Variants in FAM216A observed in about 807,000 individuals in gnomAD.
The protein encoded by FAM216A is family with sequence similarity 216 member A.
FAM216A carries 26 observed loss-of-function variants against 37.6 expected under a neutral mutation model. The observed-to-expected ratio is 0.69, with a 90% confidence interval of 0.51 to 0.96. The LOEUF (loss-of-function observed/expected upper bound fraction) is 0.96. Ranked by LOEUF, FAM216A falls within the 40% of genes least tolerant of loss-of-function variation. FAM216A has a pLI of 0.00. For synonymous variants in FAM216A, 110 were observed against 121.7 expected, an observed-to-expected ratio of 0.90 and a Z score of 0.64; for missense variants, 326 against 339.3, an observed-to-expected ratio of 0.96 and a Z score of 0.31.
chr12:110,468,867 G>C lies in FAM216A; in HGVS notation c.-9G>C, dbSNP rs957793499. ...AGCAGCCTGACGCACGCGTGCTGTC[G>C]GGGGAGGGATGCTGGGACAGCTGCT... On this transcript the variant is annotated 5_prime_UTR_variant, in exon 1 of 7. Coordinates refer to ENST00000377673, the MANE Select transcript of FAM216A (RefSeq NM_013300.3). 6.7e-7 allele frequency: 1 copy of C among 1,497,306 alleles called. No homozygotes were observed. The highest frequency in any genetic ancestry group is 1.4e-5 in the African/African-American group (1 of 71,914). The allele number at this position is 1,497,306 out of a possible 1,614,324, so 92.8% of individuals were successfully genotyped here. A position where few individuals can be genotyped will look rare whatever the true frequency, so the allele number is the denominator to read the frequency against.
Position 110,474,684 on chromosome 12 carries a change from T to C in FAM216A, c.184+1566T>C, listed in dbSNP as rs1442441618. Among the ~76,000 whole-genome samples, 3 of 95,240 alleles carry C rather than the reference T, an allele frequency of 3.1e-5. No homozygotes were observed. The South Asian group carries it at 1.3e-3, about 41-fold the overall frequency. 62.5% of individuals were successfully genotyped at this position (95,240 alleles called of 152,430 possible). A position where few individuals can be genotyped will look rare whatever the true frequency, so the allele number is the denominator to read the frequency against. On this transcript the variant is annotated intron_variant, in intron 2 of 6. Coordinates refer to ENST00000377673, the MANE Select transcript of FAM216A (RefSeq NM_013300.3). ...TTGAGCCTGGGCGACAGAGCGAGAC[T>C]CTGTCTCAAAAAAAAAAAAAAAAAA...
At chr12:110,474,849 A>T (rs936095488) in intron 2 of FAM216A, among the ~76,000 whole-genome samples, 8 of 152,070 alleles carry the variant, frequency 5.3e-5, no homozygotes, top group Admixed American at 3.9e-4. Context: ...TAAAATAAAA[A>T]ATCAGCTGGG....
chr12:110,474,671 G>C (rs575889705), intron 2 of FAM216A, among the ~76,000 whole-genome samples: 3 of 122,756 alleles, frequency 2.4e-5, no homozygotes, highest in Non-Finnish European at 4.8e-5. Flanking sequence ...GAGCCTGGGC[G>C]ACAGAGCGAG....
intron 3 of FAM216A, 104 bp downstream of exon 3, chr12:110,485,303 A>T: frequency 3.9e-5 from 35 of 907,948 alleles, no homozygotes; most frequent in Non-Finnish European, 5.6e-5. Context: ...GCAGATGACA[A>T]GGCATATGCA....
rs1215950084 is a variant in FAM216A, at chr12:110,486,429, A to C, written c.411A>C (p.Val137=). ...KMLMKRQYMH[V]LQHSSQKPGV... ...TAATGAAGAGGCAGTACATGCACGTACTTCAGCACAGCTCACAAAAGCCAG... is the reference window on the plus strand; with the variant it reads ...TAATGAAGAGGCAGTACATGCACGTCCTTCAGCACAGCTCACAAAAGCCAG... Residue 137 remains valine, a synonymous_variant, in exon 4 of 7, where the codon GTA becomes GTC. Transcript: ENST00000377673. 6.2e-7 allele frequency: 1 copy of C among 1,612,856 alleles called. No homozygotes were observed. Among genetic ancestry groups the C allele is most frequent in the East Asian group, 2.2e-5 (1 of 44,856 alleles).
chr12:110,485,860 TAGAGACTAACATACTATCCCTC>T (rs2062773959), intron 3 of FAM216A, among the ~76,000 whole-genome samples: 1 of 152,214 alleles, frequency 6.6e-6, no homozygotes, highest in African/African-American at 2.4e-5. Context: ...CAAAATTACT[TAGAGACTAACATACTATCCCTC>T]AGAATGTCCA....
intron 2 of FAM216A, among the ~76,000 whole-genome samples, chr12:110,477,697 C>CTAGAAATATGTGCTTTTTCTTTT (rs2062722382): frequency 5.3e-5 from 8 of 151,100 alleles, no homozygotes; most frequent in African/African-American, 1.9e-4. Context: ...ATTAAGATGG[C>CTAGAAATATGTGCTTTTTCTTTT]TAGAAATATG....
chr12:110,484,998 C>T, intron 2 of FAM216A, 80 bp from the exon 3 acceptor site: 1 of 1,455,640 alleles, frequency 6.9e-7, no homozygotes, highest in Non-Finnish European at 9.3e-7. Flanking sequence ...CCACACCCGG[C>T]CTAAATATCT....
chr12:110,485,392 A>G (rs2062772097), intron 3 of FAM216A, among the ~76,000 whole-genome samples, 193 bp downstream of exon 3: 1 of 152,178 alleles, frequency 6.6e-6, no homozygotes, highest in Non-Finnish European at 1.5e-5. Context: ...CTTTATCATA[A>G]GAGTTATTTC....
At chr12:110,468,480 T>C (rs1448297522), upstream of FAM216A, 2 of 1,537,182 alleles carry the variant, frequency 1.3e-6, no homozygotes, top group Non-Finnish European at 1.7e-6. Context: ...ACCTGAGTAA[T>C]AACGGACAAC....
chr12:110,488,917 G>T (rs922633810), intron 6 of FAM216A, among the ~76,000 whole-genome samples: 1 of 152,174 alleles, frequency 6.6e-6, no homozygotes, highest in African/African-American at 2.4e-5. Flanking sequence ...ACCTTGGAAA[G>T]CAAGACTGTG....
intron 1 of FAM216A, among the ~76,000 whole-genome samples, chr12:110,469,445 T>C (rs1426261419): frequency 1.3e-5 from 2 of 152,138 alleles, no homozygotes; most frequent in Non-Finnish European, 2.9e-5. Flanking sequence ...AACCAGTTCC[T>C]TCCCTCTAGT....
chr12:110,487,663 A>G, intron 5 of FAM216A, 198 bp from the exon 6 acceptor site: 1 of 562,638 alleles, frequency 1.8e-6, no homozygotes, highest in Non-Finnish European at 3.2e-6. Context: ...GAGGAAAAAG[A>G]TTAAGCAGCA....
chr12:110,472,012 A>G (rs2062689422), intron 1 of FAM216A, among the ~76,000 whole-genome samples: 1 of 151,872 alleles, frequency 6.6e-6, no homozygotes, highest in Non-Finnish European at 1.5e-5. Flanking sequence ...CGGGCGAATC[A>G]GTTGAGGTCA....
At chr12:110,473,256 G>T (rs1339586098) in intron 2 of FAM216A, 138 bp downstream of exon 2, 2 of 391,668 alleles carry the variant, frequency 5.1e-6, no homozygotes, top group Non-Finnish European at 9.7e-6. Context: ...CTGTTGCCTG[G>T]GCTGGAGTGC....
intron 1 of FAM216A, among the ~76,000 whole-genome samples, chr12:110,472,612 G>C (rs2062692898): frequency 6.6e-6 from 1 of 151,816 alleles, no homozygotes; most frequent in African/African-American, 2.4e-5. Flanking sequence ...CAGAATTATA[G>C]GAAAAAATTT....
chr12:110,484,733 C>T (rs541789023), intron 2 of FAM216A, among the ~76,000 whole-genome samples: 37 of 151,808 alleles, frequency 2.4e-4, no homozygotes, highest in Non-Finnish European at 5.1e-4. Context: ...AGGATAATCA[C>T]TGACACATGT....
intron 2 of FAM216A, among the ~76,000 whole-genome samples, chr12:110,483,159 A>G (rs1219039055): frequency 6.6e-6 from 1 of 151,790 alleles, no homozygotes; most frequent in Non-Finnish European, 1.5e-5. Flanking sequence ...CGCCGTCTCT[A>G]CTAAAAATAC....
At chr12:110,484,105 C>T (rs2062762748) in intron 2 of FAM216A, among the ~76,000 whole-genome samples, 1 of 148,982 alleles carries the variant, frequency 6.7e-6, no homozygotes, top group South Asian at 2.1e-4. Flanking sequence ...TCAGAGATCC[C>T]ATCTCTTAAA....
Sources: allele counts gnomAD v4.1 joint callset (sites outside exome capture counted in the v4.1 genomes callset), GRCh38; gene constraint gnomAD v4.1.1; transcripts MANE v1.5; gene names NCBI Gene and HGNC (gene_info 2026-07-23, HGNC 2026-07-21).